Variants in HIRA observed in about 807,000 individuals in gnomAD.
The protein encoded by HIRA is protein HIRA.
Under a neutral mutation model 126.6 loss-of-function variants are expected in HIRA, and 13 were observed. That is an observed-to-expected ratio of 0.10 (90% confidence interval 0.07 to 0.16). The LOEUF is 0.16. Ranked by LOEUF, HIRA falls within the 10% of genes least tolerant of loss-of-function variation. The probability of loss-of-function intolerance (pLI) is 1.00; values close to 1 mark genes in which losing one functional copy is unlikely to be tolerated. For synonymous variants in HIRA, 511 were observed against 520.0 expected (o/e 0.98, Z 0.24); for missense variants, 834 against 1,314.4 (o/e 0.63, Z 5.65).
chr22:19,418,008 C>T (rs1168345240), intron 1 of HIRA, among the ~76,000 whole-genome samples: 1 of 152,152 alleles, frequency 6.6e-6, no homozygotes, highest in Non-Finnish European at 1.5e-5. Context: ...TCATAGGATT[C>T]CACTTATATG....
chr22:19,351,998 C>T lies in HIRA; in HGVS notation c.2849-552G>A, dbSNP rs1281993568. On this transcript the variant is annotated intron_variant, in intron 23 of 24. Coordinates refer to ENST00000263208, the MANE Select transcript of HIRA (RefSeq NM_003325.4). The surrounding 1 kb of genome is among the most constrained non-coding windows in gnomAD (Gnocchi z 4.8). ...GGTAGAGTGTCGGGGTTTGTCAGCACTTGGGGCAGCTAAAGCAATAGGGAA... is the reference window on the plus strand; with the variant it reads ...GGTAGAGTGTCGGGGTTTGTCAGCATTTGGGGCAGCTAAAGCAATAGGGAA... Among the ~76,000 whole-genome samples, 1 of 151,930 alleles carries T rather than the reference C, an allele frequency of 6.6e-6. No individual in the cohort carries two copies. The highest frequency in any genetic ancestry group is 1.5e-5 in the Non-Finnish European group (1 of 67,998).
Position 19,341,448 on chromosome 22 carries a change from C to CA in HIRA, c.2938-9893dup, listed in dbSNP as rs55996019. Reference sequence around the variant, plus strand: ...TGGGTGACAGAGTGGGACCCTGTTTCAAAAAAAAAAAAAAAAAAAAAAAAT... The same window carrying CA: ...TGGGTGACAGAGTGGGACCCTGTTTCAAAAAAAAAAAAAAAAAAAAAAAAAT... On this transcript the variant is annotated intron_variant, in intron 24 of 24. Transcript: ENST00000263208. 9.4e-3 allele frequency among the ~76,000 whole-genome samples: 1,008 copies of CA among 107,770 alleles called. 12 individuals carry two copies. Among genetic ancestry groups the CA allele is most frequent in the East Asian group, 0.068 (255 of 3,738 alleles). The allele number at this position is 107,770 out of a possible 152,430, so 70.7% of individuals were successfully genotyped here. A position where few individuals can be genotyped will look rare whatever the true frequency, so the allele number is the denominator to read the frequency against.
intron 24 of HIRA, among the ~76,000 whole-genome samples, chr22:19,341,503 A>C (rs1380053129): frequency 1.3e-5 from 2 of 152,056 alleles, no homozygotes; most frequent in Non-Finnish European, 2.9e-5. Context: ...CAAATAGCCA[A>C]AGCAAGATAA....
intron 1 of HIRA, among the ~76,000 whole-genome samples, chr22:19,421,806 G>C (rs2089448824): frequency 6.6e-6 from 1 of 152,058 alleles, no homozygotes; most frequent in African/African-American, 2.4e-5. Context: ...CGAGTTGCTG[G>C]GACTACAGGT....
chr22:19,428,151 G>A (rs1031872352), intron 1 of HIRA, among the ~76,000 whole-genome samples: 3 of 152,200 alleles, frequency 2.0e-5, no homozygotes, highest in Admixed American at 6.5e-5. Flanking sequence ...AGTAAATGAT[G>A]CAGTTTTGAA....
chr22:19,421,338 T>C (rs564267343), intron 1 of HIRA, among the ~76,000 whole-genome samples: 21 of 151,406 alleles, frequency 1.4e-4, no homozygotes, highest in African/African-American at 5.1e-4. Flanking sequence ...ATTTTAGCTA[T>C]GCCAGTTATC....
chr22:19,423,805 G>A (rs2089468346), intron 1 of HIRA, among the ~76,000 whole-genome samples: 1 of 152,148 alleles, frequency 6.6e-6, no homozygotes. Flanking sequence ...TTTTTGCCAG[G>A]AGTGTTTTAA....
At chr22:19,418,587 G>A (rs1364629976) in intron 1 of HIRA, among the ~76,000 whole-genome samples, 5 of 71,108 alleles carry the variant, frequency 7.0e-5, no homozygotes, top group South Asian at 6.3e-4. Flanking sequence ...AGCCGAGATC[G>A]CGCCTGTTCC....
chr22:19,366,006 T>C (rs1241577306), intron 15 of HIRA: 1 of 152,252 alleles, frequency 6.6e-6, no homozygotes, highest in Non-Finnish European at 1.5e-5. Context: ...TGAATAACAC[T>C]GCACTCCAGC....
intron 20 of HIRA, 57 bp downstream of exon 20, chr22:19,356,173 C>T: frequency 1.3e-6 from 2 of 1,498,880 alleles, no homozygotes; most frequent in Non-Finnish European, 1.9e-6. Flanking sequence ...CCTTCTGCAG[C>T]ATCAGACATG....
At chr22:19,337,073 A>C (rs2088574541) in intron 24 of HIRA, among the ~76,000 whole-genome samples, 3 of 152,188 alleles carry the variant, frequency 2.0e-5, no homozygotes, top group Admixed American at 2.0e-4. Context: ...ATTTGGCTTA[A>C]AAAGGCAGAA....
chr22:19,385,009 GCTTGTAA>G (rs1307595110), intron 12 of HIRA, among the ~76,000 whole-genome samples: 1 of 152,130 alleles, frequency 6.6e-6, no homozygotes, highest in African/African-American at 2.4e-5. Context: ...TCCACAGAAA[GCTTGTAA>G]CTAGGGGTTT....
At chr22:19,385,301 C>T (rs534840529) in intron 12 of HIRA, among the ~76,000 whole-genome samples, 8 of 152,218 alleles carry the variant, frequency 5.3e-5, no homozygotes, top group Non-Finnish European at 1.2e-4. Flanking sequence ...ATGACCTCCT[C>T]TGGGCTCCTG....
In HIRA at chr22:19,390,601, C is replaced by CAAAAAAAAAAAAAAAAAAAAAAAAA. The variant is rs575050947; in HGVS notation, c.936+1475_936+1499dup. On this transcript the variant is annotated intron_variant, in intron 9 of 24. Coordinates refer to ENST00000263208, the MANE Select transcript of HIRA (RefSeq NM_003325.4). ...TGGGCAATAGAGGGAGACTCTGTCTCAAAAAAAAAAAAAAAAAAAAAAAAA... is the reference window on the plus strand; with the variant it reads ...TGGGCAATAGAGGGAGACTCTGTCTCAAAAAAAAAAAAAAAAAAAAAAAAAAAAAAAAAAAAAAAAAAAAAAAAAA... Among the ~76,000 whole-genome samples the CAAAAAAAAAAAAAAAAAAAAAAAAA allele has an allele frequency of 5.7e-4, 22 of 38,342 alleles. 1 individual carries two copies. The highest frequency in any genetic ancestry group is 1.0e-3 in the African/African-American group (12 of 11,456). 25.2% of individuals were successfully genotyped at this position (38,342 alleles called of 152,430 possible). A position where few individuals can be genotyped will look rare whatever the true frequency, so the allele number is the denominator to read the frequency against.
chr22:19,381,846 A>C (rs1398328799), intron 13 of HIRA, among the ~76,000 whole-genome samples: 2 of 152,216 alleles, frequency 1.3e-5, no homozygotes, highest in African/African-American at 2.4e-5. Flanking sequence ...CAGTTACCTG[A>C]GTTACCTGTT....
chr22:19,348,376 G>T (rs558168609), intron 24 of HIRA, among the ~76,000 whole-genome samples: 1 of 152,192 alleles, frequency 6.6e-6, no homozygotes, highest in Admixed American at 6.5e-5. Flanking sequence ...ATCTGCAAAG[G>T]CTCCTGATAC....
chr22:19,400,407 C>T (rs1311962645), intron 5 of HIRA, among the ~76,000 whole-genome samples: 2 of 152,158 alleles, frequency 1.3e-5, no homozygotes, highest in East Asian at 3.9e-4. Flanking sequence ...ATAAGCGATG[C>T]CTCCTTTCAC....
chr22:19,339,350 A>G (rs1221278352), intron 24 of HIRA, among the ~76,000 whole-genome samples: 3 of 152,042 alleles, frequency 2.0e-5, no homozygotes, highest in African/African-American at 7.3e-5. Flanking sequence ...AAAGTATGAA[A>G]GAGGCCAAGC....
At chr22:19,386,397 G>A (rs1237933288) in intron 11 of HIRA, among the ~76,000 whole-genome samples, 1 of 152,226 alleles carries the variant, frequency 6.6e-6, no homozygotes, top group Non-Finnish European at 1.5e-5. Context: ...GTACATGAAA[G>A]TGCATGAGGA....
Sources: gnomAD v4.1 joint callset for allele counts (sites outside exome capture counted in the v4.1 genomes callset) on GRCh38, gnomAD v4.1.1 for gene constraint, Gnocchi (gnomAD v3.1) non-coding constraint, MANE v1.5 for transcripts, NCBI Gene and HGNC (gene_info 2026-07-23, HGNC 2026-07-21) for gene names.